The following KIRREL3 variants were observed in gnomAD, a reference collection of about 807,000 sequenced individuals.
KIRREL3 encodes kin of IRRE-like protein 3.
In KIRREL3, 36 loss-of-function variants were observed where a neutral mutation model predicts 89.7. The observed-to-expected ratio is 0.40, with a 90% CI of 0.31 to 0.53. The LOEUF (loss-of-function observed/expected upper bound fraction) is 0.53, where lower values mean the gene tolerates loss of function less well. Ranked by LOEUF, KIRREL3 falls within the 20% of genes least tolerant of loss-of-function variation. KIRREL3 has a pLI of 0.49. For synonymous variants in KIRREL3, 445 were observed against 441.4 expected (o/e 1.01, Z -0.10); for missense variants, 864 against 1,056.6 (o/e 0.82, Z 2.53).
chr11:126,587,027 G>C lies in KIRREL3; in HGVS notation c.56-24115C>G, dbSNP rs1209704477. 2.0e-5 allele frequency among the ~76,000 whole-genome samples: 3 copies of C among 152,298 alleles called. No individual in the cohort carries two copies. The highest frequency in any genetic ancestry group is 2.9e-5 in the Non-Finnish European group (2 of 68,028). On this transcript the variant is annotated intron_variant, in intron 1 of 16. Coordinates refer to ENST00000525144, the MANE Select transcript of KIRREL3 (RefSeq NM_032531.4). The surrounding 1 kb of genome is among the most constrained non-coding windows in gnomAD (Gnocchi z 5.2). ...TGGGGGCACAACTGTAAACCAGAGA[G>C]AGTCCCTGCCTCAGGGAGCTGGGAG...
chr11:126,618,466 C>T (rs927152780), intron 1 of KIRREL3, among the ~76,000 whole-genome samples: 2 of 152,102 alleles, frequency 1.3e-5, no homozygotes, highest in Non-Finnish European at 2.9e-5. Context: ...CTCATTCTGT[C>T]ATCTGTCACC....
chr11:126,813,330 AC>A (rs1951450888), intron 1 of KIRREL3, among the ~76,000 whole-genome samples: 1 of 152,074 alleles, frequency 6.6e-6, no homozygotes, highest in African/African-American at 2.4e-5. Context: ...AGTCCAAAGC[AC>A]CTCTCCCACC....
intron 1 of KIRREL3, among the ~76,000 whole-genome samples, chr11:126,731,486 C>A (rs559426743): frequency 6.6e-6 from 1 of 152,306 alleles, no homozygotes; most frequent in South Asian, 2.1e-4. Context: ...TCATGTCTAC[C>A]TTTCACATTT....
At position 126,693,811 on chromosome 11, in the gene KIRREL3, T is replaced by C. The variant is rs112257648; in HGVS notation, c.56-130899A>G. On this transcript the variant is annotated intron_variant, in intron 1 of 16. Transcript: ENST00000525144. ...TGAGTGGAAACGGACACATTTCCAA[T>C]CAGGCTCTGGCCTGGGCTGCAGCCC... is the stretch of plus-strand genomic sequence containing the variant. Among the ~76,000 whole-genome samples, 87 of 152,382 alleles carry C rather than the reference T, an allele frequency of 5.7e-4. 1 individual carries two copies. Among genetic ancestry groups the C allele is most frequent in the African/African-American group, 2.1e-3 (86 of 41,592 alleles).
chr11:126,759,692 A>G (rs758662741), intron 1 of KIRREL3, among the ~76,000 whole-genome samples: 1 of 152,248 alleles, frequency 6.6e-6, no homozygotes, highest in South Asian at 2.1e-4. Context: ...TTTCCATGAC[A>G]TAAAGAAGCC....
In KIRREL3 at chr11:126,463,336, G is replaced by C. The variant is rs772808848; in HGVS notation, c.592-29C>G. The C allele has an allele frequency of 6.3e-7, 1 of 1,598,720 alleles. No individual in the cohort carries two copies. Among genetic ancestry groups the C allele is most frequent in the South Asian group, 1.1e-5 (1 of 89,630 alleles). On this transcript the variant is annotated intron_variant, in intron 5 of 16. Transcript: ENST00000525144. The surrounding 1 kb of genome is among the most constrained non-coding windows in gnomAD (Gnocchi z 5.9). ...GGGAGAAAGGGAAAGGGGAGAGAAA[G>C]CTCCATGTCGCTTGGCTGGGGTGGC...
chr11:126,447,844 G>A (rs1016007133), intron 8 of KIRREL3, among the ~76,000 whole-genome samples: 1 of 152,232 alleles, frequency 6.6e-6, no homozygotes, highest in Non-Finnish European at 1.5e-5. Flanking sequence ...GGGCAAGGGG[G>A]AGGGCCAGAT....
chr11:126,463,099 C>G lies in KIRREL3; in HGVS notation c.742+58G>C, dbSNP rs960247524. 5 of 1,551,432 alleles carry G rather than the reference C, an allele frequency of 3.2e-6. No individual in the cohort carries two copies. The highest frequency in any genetic ancestry group is 2.6e-6 in the Non-Finnish European group (3 of 1,133,448). ...ATGGGCCAGGCTATGGTCAGGGTTG[C>G]TGGGTGTTTCACCCTGGGCCTGGCA... On this transcript the variant is annotated intron_variant, in intron 6 of 16. Transcript: ENST00000525144. The surrounding 1 kb of genome is among the most constrained non-coding windows in gnomAD (Gnocchi z 5.9).
chr11:126,498,644 G>T lies in KIRREL3; in HGVS notation c.433+22671C>A, dbSNP rs545876361. ...CAGGAGGGGAAGGGGCCCGTGACCT[G>T]GCACCCTGTGACGACAAGCAGAGGA... is the stretch of plus-strand genomic sequence containing the variant. On this transcript the variant is annotated intron_variant, in intron 4 of 16. Coordinates refer to ENST00000525144, the MANE Select transcript of KIRREL3 (RefSeq NM_032531.4). The surrounding 1 kb of genome is among the most constrained non-coding windows in gnomAD (Gnocchi z 4.3). 6.6e-6 allele frequency among the ~76,000 whole-genome samples: 1 copy of T among 152,192 alleles called. No homozygotes were observed. Among genetic ancestry groups the T allele is most frequent in the Non-Finnish European group, 1.5e-5 (1 of 68,020 alleles).
chr11:126,447,014 T>G, intron 8 of KIRREL3, 128 bp from the exon 9 acceptor site: 2 of 1,133,654 alleles, frequency 1.8e-6, no homozygotes, highest in Non-Finnish European at 2.5e-6. Flanking sequence ...TTGTGCCACC[T>G]CAGTCGCTTC....
At position 126,896,380 on chromosome 11, in the gene KIRREL3, A is replaced by T. The variant is rs1946159446; in HGVS notation, c.55+104075T>A. On this transcript the variant is annotated intron_variant, in intron 1 of 16. Transcript: ENST00000525144. This position sits in a 1 kb window ranked among gnomAD's most constrained non-coding sequence, Gnocchi z 4.1. Reference sequence around the variant, plus strand: ...AGGGGCTTCTCTGACTCCTCTCCACATTTGACCTTGGTCTCTGAGATGCTC... The same window carrying T: ...AGGGGCTTCTCTGACTCCTCTCCACTTTTGACCTTGGTCTCTGAGATGCTC... 6.6e-6 allele frequency among the ~76,000 whole-genome samples: 1 copy of T among 152,204 alleles called. No individual in the cohort carries two copies.
rs1403195369 is a variant in KIRREL3 at position 126,564,581 on chromosome 11, C to A, written c.56-1669G>T. Among the ~76,000 whole-genome samples, 1 of 152,216 alleles carries A rather than the reference C, an allele frequency of 6.6e-6. No individual in the cohort carries two copies. The highest frequency in any genetic ancestry group is 2.4e-5 in the African/African-American group (1 of 41,454). On this transcript the variant is annotated intron_variant, in intron 1 of 16. Transcript: ENST00000525144. This position sits in a 1 kb window ranked among gnomAD's most constrained non-coding sequence, Gnocchi z 7.4. ...ACTGGCGTCTGAAGGCTTAGCCAAA[C>A]CGCCCTCACTTCAAACGGTCTTACA...
At chr11:126,857,436 A>T (rs1269745637) in intron 1 of KIRREL3, among the ~76,000 whole-genome samples, 1 of 152,212 alleles carries the variant, frequency 6.6e-6, no homozygotes, top group Non-Finnish European at 1.5e-5. Context: ...TCTAAGCTAT[A>T]TGTTACATCC....
Position 126,811,252 on chromosome 11 carries a change from G to C in KIRREL3, c.55+189203C>G, listed in dbSNP as rs1197538821. ...TTCTGTTTTCCAGGAGGTGTCCCTA[G>C]TACCCTTCCCACCCGCTTTCATCCT... is the stretch of plus-strand genomic sequence containing the variant. On this transcript the variant is annotated intron_variant, in intron 1 of 16. Coordinates refer to ENST00000525144, the MANE Select transcript of KIRREL3 (RefSeq NM_032531.4). The surrounding 1 kb of genome is among the most constrained non-coding windows in gnomAD (Gnocchi z 4.3). 1.3e-5 allele frequency among the ~76,000 whole-genome samples: 2 copies of C among 152,176 alleles called. No individual in the cohort carries two copies. Among genetic ancestry groups the C allele is most frequent in the African/African-American group, 4.8e-5 (2 of 41,430 alleles).
chr11:126,924,115 A>T lies in KIRREL3; in HGVS notation c.55+76340T>A, dbSNP rs933685062. Among the ~76,000 whole-genome samples, 3 of 152,176 alleles carry T rather than the reference A, an allele frequency of 2.0e-5. No individual in the cohort carries two copies. The highest frequency in any genetic ancestry group is 4.4e-5 in the Non-Finnish European group (3 of 68,034). On this transcript the variant is annotated intron_variant, in intron 1 of 16. Transcript: ENST00000525144. This position sits in a 1 kb window ranked among gnomAD's most constrained non-coding sequence, Gnocchi z 4.7. ...CAGTACTCGTCATAGCGCCTTGTAG[A>T]CACTTGATAAGCAGTGGTCTTATGG...
chr11:126,483,518 C>G (rs1957275212), intron 4 of KIRREL3, among the ~76,000 whole-genome samples: 1 of 152,352 alleles, frequency 6.6e-6, no homozygotes, highest in East Asian at 1.9e-4. Flanking sequence ...GGGCCCACGG[C>G]ATCAACTGTC....
rs2058831901 is a variant in KIRREL3, at chr11:126,669,960, C to T, written c.56-107048G>A. Among the ~76,000 whole-genome samples the T allele has an allele frequency of 1.3e-5, 2 of 152,200 alleles. No homozygotes were observed. Among genetic ancestry groups the T allele is most frequent in the Admixed American group, 6.5e-5 (1 of 15,272 alleles). On this transcript the variant is annotated intron_variant, in intron 1 of 16. Transcript: ENST00000525144. The surrounding 1 kb of genome is among the most constrained non-coding windows in gnomAD (Gnocchi z 5.0). ...GCATGTCAGTGCATTGCAGCACCAT[C>T]CACCCCGTTGCTCAAGCTCATGCCT...
chr11:126,605,804 T>C lies in KIRREL3; in HGVS notation c.56-42892A>G, dbSNP rs962894462. On this transcript the variant is annotated intron_variant, in intron 1 of 16. Coordinates refer to ENST00000525144, the MANE Select transcript of KIRREL3 (RefSeq NM_032531.4). This position sits in a 1 kb window ranked among gnomAD's most constrained non-coding sequence, Gnocchi z 5.7. ...GGTAGAGAGTGAGGTCTGGAGGGCA[T>C]GGGACATGGTCCCTCTTGGGAGTTA... 2.0e-5 allele frequency among the ~76,000 whole-genome samples: 3 copies of C among 152,198 alleles called. No homozygotes were observed. The highest frequency in any genetic ancestry group is 7.2e-5 in the African/African-American group (3 of 41,454).
At position 126,489,099 on chromosome 11, in the gene KIRREL3, C is replaced by G. The variant is rs529456998; in HGVS notation, c.434-15633G>C. ...AGGCATCTGGAGCGCAGCAGTCAGT[C>G]TCATCCTGGGGTGCATCCCAGGGCT... is the stretch of plus-strand genomic sequence containing the variant. On this transcript the variant is annotated intron_variant, in intron 4 of 16. Transcript: ENST00000525144. This position sits in a 1 kb window ranked among gnomAD's most constrained non-coding sequence, Gnocchi z 5.5. 6.6e-6 allele frequency among the ~76,000 whole-genome samples: 1 copy of G among 152,344 alleles called. No individual in the cohort carries two copies. Among genetic ancestry groups the G allele is most frequent in the East Asian group, 1.9e-4 (1 of 5,176 alleles).
Sources: allele counts gnomAD v4.1 joint callset (sites outside exome capture counted in the v4.1 genomes callset), GRCh38; gene constraint gnomAD v4.1.1; non-coding constraint Gnocchi (gnomAD v3.1); transcripts MANE v1.5; gene names NCBI Gene and HGNC (gene_info 2026-07-23, HGNC 2026-07-21).